The following LMTK3 variants were observed in gnomAD, a reference collection of about 807,000 sequenced individuals.
LMTK3 encodes the protein lemur tail kinase 3.
Under a neutral mutation model 116.7 loss-of-function variants are expected in LMTK3, and 27 were observed. That is an observed-to-expected ratio of 0.23 (90% CI 0.17 to 0.32). LMTK3 has a LOEUF of 0.32. Ranked by LOEUF, LMTK3 falls within the 10% of genes least tolerant of loss-of-function variation. The probability of loss-of-function intolerance (pLI) is 1.00; values close to 1 mark genes in which losing one functional copy is unlikely to be tolerated. For synonymous variants in LMTK3, 965 were observed against 971.0 expected (o/e 0.99, Z 0.11); for missense variants, 1,764 against 2,068.5 (o/e 0.85, Z 2.86).
Position 48,494,057 on chromosome 19 carries a change from G to A in LMTK3, c.3729C>T (p.Phe1243=). 2 of 1,191,792 alleles carry A rather than the reference G, an allele frequency of 1.7e-6. No individual in the cohort carries two copies. The highest frequency in any genetic ancestry group is 2.1e-6 in the Non-Finnish European group (2 of 961,626). The allele number at this position is 1,191,792 out of a possible 1,614,324, so 73.8% of individuals were successfully genotyped here. The change falls in exon 12 of 15, where the codon TTC becomes TTT. Residue 1243 remains phenylalanine, a synonymous_variant. Transcript: ENST00000600059. The surrounding 1 kb of genome is among the most constrained non-coding windows in gnomAD (Gnocchi z 4.0). ...GGGGCCGCCGCGGGCCCGGCCCCGG[G>A]AATGGCGTGAGCGTGAGCGGCGGCA... The part of the protein sequence containing the change: ...LALPPLTLTP[F]PGPGPRRPPW...
chr19:48,495,092 C>G (rs1318783751), intron 11 of LMTK3, among the ~76,000 whole-genome samples: 4 of 151,710 alleles, frequency 2.6e-5, no homozygotes, highest in Admixed American at 2.0e-4. Context: ...GCATTGCAAC[C>G]TCCGCCTCCT....
At position 48,500,465 on chromosome 19, in the gene LMTK3, AG is replaced by A; in HGVS notation, c.1151+530del. Among the ~76,000 whole-genome samples the A allele has an allele frequency of 6.7e-6, 1 of 148,738 alleles. No homozygotes were observed. The highest frequency in any genetic ancestry group is 2.5e-5 in the African/African-American group (1 of 40,380). On this transcript the variant is annotated intron_variant, in intron 10 of 14. Coordinates refer to ENST00000600059, the MANE Select transcript of LMTK3 (RefSeq NM_001388485.1). The surrounding 1 kb of genome is among the most constrained non-coding windows in gnomAD (Gnocchi z 4.0). The stretch of plus-strand genomic sequence containing the variant: ...GAGAGGGACAGAGACCCAGAGAGAG[AG>A]GGACAGAGACCCAGAGAGAGGGGGA...
At chr19:48,488,190 A>G (rs1972158228) in intron 14 of LMTK3, among the ~76,000 whole-genome samples, 1 of 151,956 alleles carries the variant, frequency 6.6e-6, no homozygotes. Flanking sequence ...CATACCCTGG[A>G]ATGCACCCCC....
In LMTK3 at chr19:48,498,811, GGA is replaced by G; in HGVS notation, c.2256_2257del (p.Pro756AlafsTer783). ...CCGAGGAGGTGGCGGCGGGGGGGGG[GGA>G]GCGGGAGGTGGCCCCCGCCCGGGGT... On this transcript the variant is annotated frameshift_variant, in exon 11 of 15. Coordinates refer to ENST00000600059, the MANE Select transcript of LMTK3 (RefSeq NM_001388485.1). LOFTEE classifies it high-confidence loss of function. 1.7e-6 allele frequency: 2 copies of G among 1,153,186 alleles called. No homozygotes were observed. The highest frequency in any genetic ancestry group is 2.0e-5 in the South Asian group (1 of 48,912). The allele number at this position is 1,153,186 out of a possible 1,614,324, so 71.4% of individuals were successfully genotyped here.
Position 48,498,801 on chromosome 19 carries a change from CGGG to C in LMTK3, c.2265_2267del (p.Pro760del). On this transcript the variant is annotated inframe_deletion, in exon 11 of 15. Coordinates refer to ENST00000600059, the MANE Select transcript of LMTK3 (RefSeq NM_001388485.1). ...CCGCGGGGGCCCGAGGAGGTGGCGG[CGGG>C]GGGGGGGGAGCGGGAGGTGGCCCCC... is the stretch of plus-strand genomic sequence containing the variant. 57 of 297,922 alleles carry C rather than the reference CGGG, an allele frequency of 1.9e-4. No individual in the cohort carries two copies. The highest frequency in any genetic ancestry group is 5.9e-4 in the South Asian group (5 of 8,424). 18.5% of individuals were successfully genotyped at this position (297,922 alleles called of 1,614,324 possible).
intron 14 of LMTK3, among the ~76,000 whole-genome samples, chr19:48,488,512 G>A (rs946420373): frequency 2.6e-5 from 4 of 151,922 alleles, no homozygotes; most frequent in Admixed American, 6.6e-5. Flanking sequence ...GGCACCCCCA[G>A]GACAAAGTCC....
At chr19:48,509,857 T>C (rs966543219) in intron 3 of LMTK3, among the ~76,000 whole-genome samples, 166 bp downstream of exon 3, 5 of 152,194 alleles carry the variant, frequency 3.3e-5, no homozygotes, top group Non-Finnish European at 7.4e-5. Flanking sequence ...AGATGATCTT[T>C]GTCTGCCTCC....
Position 48,501,267 on chromosome 19 carries a change from G to A in LMTK3, c.1001+16C>T, listed in dbSNP as rs377070885. 190 of 1,612,032 alleles carry A rather than the reference G, an allele frequency of 1.2e-4. No individual in the cohort carries two copies. Among genetic ancestry groups the A allele is most frequent in the Admixed American group, 3.5e-4 (21 of 59,902 alleles). The stretch of plus-strand genomic sequence containing the variant: ...CTTCCTGGCCTGCCTCGGCCCCCGC[G>A]GCCCGTGGTCCTCACCAGATGTTGC... On this transcript the variant is annotated intron_variant, in intron 9 of 14. Coordinates refer to ENST00000600059, the MANE Select transcript of LMTK3 (RefSeq NM_001388485.1).
rs2147547057 is a variant in LMTK3, at chr19:48,499,710, T to C, written c.1359A>G (p.Leu453=). The change falls in exon 11 of 15, where the codon CTA becomes CTG. Residue 453 remains leucine (L), a synonymous_variant. Transcript: ENST00000600059. ...GGTCGGCTCCAGGGAAGCCATCCAG[T>C]AGGGGGAACGGTGAGGAGAGGGTCC... is the stretch of plus-strand genomic sequence containing the variant. ...RPGTLSSPFP[L]LDGFPGADPD... The C allele has an allele frequency of 1.3e-6, 2 of 1,517,472 alleles. No individual in the cohort carries two copies. The highest frequency in any genetic ancestry group is 1.8e-6 in the Non-Finnish European group (2 of 1,132,718). 94.0% of individuals were successfully genotyped at this position (1,517,472 alleles called of 1,614,324 possible). A position where few individuals can be genotyped will look rare whatever the true frequency, so the allele number is the denominator to read the frequency against.
chr19:48,498,045 G>A lies in LMTK3; in HGVS notation c.3024C>T (p.Gly1008=), dbSNP rs1390291446. The change falls in exon 11 of 15, where the codon GGC becomes GGT. Residue 1008 remains glycine (G), a synonymous_variant. Transcript: ENST00000600059. ...KSEDKVSENG[G]LRFPRNTERP... ...TCTCCGTGTTCCTGGGGAATCTCAG[G>A]CCCCCATTCTCTGACACCTTGTCCT... 41 of 1,612,664 alleles carry A rather than the reference G, an allele frequency of 2.5e-5. No homozygotes were observed. The East Asian group carries it at 8.9e-4, about 35-fold the overall frequency.
At chr19:48,509,044 C>T (rs1972614528) in intron 4 of LMTK3, 75 bp from the exon 5 acceptor site, 1 of 960,540 alleles carries the variant, frequency 1.0e-6, no homozygotes, top group Non-Finnish European at 1.6e-6. Flanking sequence ...TCCACTCCAC[C>T]ACACAGCTCC....
chr19:48,506,308 G>C (rs937256939), intron 5 of LMTK3, among the ~76,000 whole-genome samples: 3 of 151,900 alleles, frequency 2.0e-5, no homozygotes, highest in African/African-American at 4.8e-5. Context: ...TCTCCACTAG[G>C]GGGTGAGCTC....
rs1569104859 is a variant in LMTK3, at chr19:48,501,156, C to CAG, written c.1002-13_1002-12dup. On this transcript the variant is annotated splice_polypyrimidine_tract_variant and intron_variant, in intron 9 of 14. Coordinates refer to ENST00000600059, the MANE Select transcript of LMTK3 (RefSeq NM_001388485.1). ...GTCACCCCCAGGGACCTGCAGAGAG[C>CAG]AGAGAGAGGTCAGAGCCCAGCCCTG... 2 of 1,611,106 alleles carry CAG rather than the reference C, an allele frequency of 1.2e-6. No individual in the cohort carries two copies. Among genetic ancestry groups the CAG allele is most frequent in the African/African-American group, 1.3e-5 (1 of 74,956 alleles).
rs1972398725 is a variant in LMTK3 at position 48,498,898 on chromosome 19, G to T, written c.2171C>A (p.Pro724His). The change falls in exon 11 of 15, where the codon CCC becomes CAC. Residue 724 changes from proline (P) to histidine (H), a missense_variant. Physicochemically the swap from Pro to His is moderately conservative, Grantham distance 77. This residue lies in a region of LMTK3 where 1,028 missense variants were observed against 1,050.6 expected (regional missense o/e 0.98). Coordinates refer to ENST00000600059, the MANE Select transcript of LMTK3 (RefSeq NM_001388485.1). ...AAACTCGGGGGGGGCCGAGGCGGGG[G>T]GGGCCATGGGCAAGTCGGCCAGGGA... ...RGSLADLPMA[P>H]PASAPPEFLD... 6 of 1,220,186 alleles carry T rather than the reference G, an allele frequency of 4.9e-6. No individual in the cohort carries two copies. Among genetic ancestry groups the T allele is most frequent in the Non-Finnish European group, 6.2e-6 (6 of 960,328 alleles). The allele number at this position is 1,220,186 out of a possible 1,614,324, so 75.6% of individuals were successfully genotyped here.
rs1419502093 is a variant in LMTK3, at chr19:48,501,081, C to T, written c.1066G>A (p.Asp356Asn). 1 of 1,585,912 alleles carries T rather than the reference C, an allele frequency of 6.3e-7. No homozygotes were observed. Among genetic ancestry groups the T allele is most frequent in the African/African-American group, 1.3e-5 (1 of 74,132 alleles). ...FGAQPYRHLS[D>N]EEVLAFVVRQ... Reference sequence around the variant, plus strand: ...ACCACGAAGGCGAGGACCTCCTCGTCTGACAGGTGGCGGTAGGGCTGGGCC... The same window carrying T: ...ACCACGAAGGCGAGGACCTCCTCGTTTGACAGGTGGCGGTAGGGCTGGGCC... Residue 356 changes from aspartate (D) to asparagine (N), a missense_variant, in exon 10 of 15, where the codon GAC becomes AAC. Asp to Asn is a conservative substitution (Grantham distance 23, BLOSUM62 1). Coordinates refer to ENST00000600059, the MANE Select transcript of LMTK3 (RefSeq NM_001388485.1).
rs948910020 is a variant in LMTK3 at position 48,491,614 on chromosome 19, C to A, written c.4093-75G>T. 1 of 1,222,528 alleles carries A rather than the reference C, an allele frequency of 8.2e-7. No homozygotes were observed. Among genetic ancestry groups the A allele is most frequent in the African/African-American group, 1.6e-5 (1 of 63,978 alleles). The allele number at this position is 1,222,528 out of a possible 1,614,324, so 75.7% of individuals were successfully genotyped here. ...CATTTACCGCATCCCCCAAAAGCAA[C>A]AAAACCGGCTAATATTTCTGGGGCT... On this transcript the variant is annotated intron_variant, in intron 12 of 14. Coordinates refer to ENST00000600059, the MANE Select transcript of LMTK3 (RefSeq NM_001388485.1). The surrounding 1 kb of genome is among the most constrained non-coding windows in gnomAD (Gnocchi z 5.1).
Position 48,497,480 on chromosome 19 carries a change from GGTCCCCGTCTCCGCTGAGTGCCGT to G in LMTK3, c.3565_3588del (p.Thr1189_Asp1196del). 6.7e-7 allele frequency: 1 copy of G among 1,496,316 alleles called. No homozygotes were observed. The highest frequency in any genetic ancestry group is 8.9e-7 in the Non-Finnish European group (1 of 1,126,456). The allele number at this position is 1,496,316 out of a possible 1,614,324, so 92.7% of individuals were successfully genotyped here. ...GGGCCCTTCCTCTCGGGCTTGGGGGGGTCCCCGTCTCCGCTGAGTGCCGTGTCTCCGCCGGCCCTGCTGTCTGGG... is the reference window on the plus strand; with the variant it reads ...GGGCCCTTCCTCTCGGGCTTGGGGGGGTCTCCGCCGGCCCTGCTGTCTGGG... On this transcript the variant is annotated inframe_deletion, in exon 11 of 15. Coordinates refer to ENST00000600059, the MANE Select transcript of LMTK3 (RefSeq NM_001388485.1). This position sits in a 1 kb window ranked among gnomAD's most constrained non-coding sequence, Gnocchi z 5.7.
Position 48,497,305 on chromosome 19 carries a change from C to T in LMTK3, c.3676+88G>A. 4 of 1,342,380 alleles carry T rather than the reference C, an allele frequency of 3.0e-6. No homozygotes were observed. The highest frequency in any genetic ancestry group is 3.9e-6 in the Non-Finnish European group (4 of 1,033,812). The allele number at this position is 1,342,380 out of a possible 1,614,324, so 83.2% of individuals were successfully genotyped here. Reference sequence around the variant, plus strand: ...GGACCTGCATTCATCACTGCCAGCCCGACCCGACATGTTTACCCACACTCA... The same window carrying T: ...GGACCTGCATTCATCACTGCCAGCCTGACCCGACATGTTTACCCACACTCA... On this transcript the variant is annotated intron_variant, in intron 11 of 14. Transcript: ENST00000600059. The surrounding 1 kb of genome is among the most constrained non-coding windows in gnomAD (Gnocchi z 5.7).
At chr19:48,511,845 A>C, upstream of LMTK3, 1 of 13,852 alleles carries the variant, frequency 7.2e-5, no homozygotes, top group East Asian at 2.1e-3. Flanking sequence ...TGGGGGGGAG[A>C]GGGTAGGATG....
Sources: gnomAD v4.1 joint callset for allele counts (sites outside exome capture counted in the v4.1 genomes callset) on GRCh38, gnomAD v4.1.1 for gene constraint, gnomAD v4.1.1 regional missense constraint, Gnocchi (gnomAD v3.1) non-coding constraint, MANE v1.5 for transcripts, NCBI Gene and HGNC (gene_info 2026-07-23, HGNC 2026-07-21) for gene names.